Variants in HRH4 observed in about 807,000 individuals in gnomAD.
HRH4 encodes the protein histamine H4 receptor.
Under a neutral mutation model 10.4 loss-of-function variants are expected in HRH4, and 12 were observed. That is an observed-to-expected ratio of 1.15 (90% CI 0.74 to 1.87). HRH4 has a LOEUF of 1.87. Ranked by LOEUF, HRH4 falls within the 40% of genes most tolerant of loss-of-function variation. HRH4 has a pLI of 0.00. For synonymous variants in HRH4, 154 were observed against 166.6 expected, an observed-to-expected ratio of 0.92 and a Z score of 0.58; for missense variants, 415 against 453.3, an observed-to-expected ratio of 0.92 and a Z score of 0.77.
rs1321327368 is a variant in HRH4, at chr18:24,476,783, A to T, written c.394A>T (p.Ile132Phe). 1.9e-6 allele frequency: 3 copies of T among 1,614,006 alleles called. No individual in the cohort carries two copies. The highest frequency in any genetic ancestry group is 2.5e-6 in the Non-Finnish European group (3 of 1,180,018). Residue 132 changes from isoleucine to phenylalanine, a missense_variant, in exon 3 of 3, where the codon ATT (isoleucine) becomes TTT (phenylalanine). Ile to Phe is a conservative substitution (Grantham distance 21). Coordinates refer to ENST00000256906, the MANE Select transcript of HRH4 (RefSeq NM_021624.4). ...AACTCAACATACTGGGGTCTTGAAG[A>T]TTGTTACTCTGATGGTGGCCGTTTG... The part of the protein sequence containing the change: ...YRTQHTGVLK[I>F]VTLMVAVWVL...
In HRH4 at chr18:24,477,734, C is replaced by A; in HGVS notation, c.*172C>A. 1.9e-6 allele frequency: 1 copy of A among 523,422 alleles called. No homozygotes were observed. Among genetic ancestry groups the A allele is most frequent in the Non-Finnish European group, 3.3e-6 (1 of 298,674 alleles). The allele number at this position is 523,422 out of a possible 1,614,324, so 32.4% of individuals were successfully genotyped here. ...TATGACTTGATAATATTTTTGTAAA[C>A]TTGTAGTCATAATAGTACTATATTC... On this transcript the variant is annotated 3_prime_UTR_variant, in exon 3 of 3. Coordinates refer to ENST00000256906, the MANE Select transcript of HRH4 (RefSeq NM_021624.4).
intron 1 of HRH4, among the ~76,000 whole-genome samples, chr18:24,461,344 G>A (rs1411630642): frequency 6.6e-6 from 1 of 152,062 alleles, no homozygotes; most frequent in Non-Finnish European, 1.5e-5. Flanking sequence ...TCAGAAAATA[G>A]CGTATTCAGA....
intron 2 of HRH4, among the ~76,000 whole-genome samples, chr18:24,471,884 G>T (rs1439612891): frequency 6.6e-6 from 1 of 152,070 alleles, no homozygotes. Flanking sequence ...TGTTCCTAGG[G>T]CTTCCTTCTC....
chr18:24,471,521 T>A (rs1909952297), intron 2 of HRH4, among the ~76,000 whole-genome samples: 1 of 141,472 alleles, frequency 7.1e-6, no homozygotes, highest in Admixed American at 7.8e-5. Flanking sequence ...GAAGGAGAAT[T>A]GCTTGAACCC....
At chr18:24,465,362 G>A (rs944425788) in intron 1 of HRH4, among the ~76,000 whole-genome samples, 9 of 152,050 alleles carry the variant, frequency 5.9e-5, no homozygotes, top group African/African-American at 2.2e-4. Context: ...AGCATTTCAC[G>A]CCAAGGAACA....
At chr18:24,464,862 A>G (rs1364989628) in intron 1 of HRH4, among the ~76,000 whole-genome samples, 4 of 152,194 alleles carry the variant, frequency 2.6e-5, no homozygotes, top group African/African-American at 7.2e-5. Context: ...CAAGAAAAAT[A>G]ACTAAGACAA....
chr18:24,470,337 G>A (rs892252065), intron 2 of HRH4, among the ~76,000 whole-genome samples: 4 of 152,140 alleles, frequency 2.6e-5, no homozygotes, highest in African/African-American at 9.7e-5. Context: ...GAGCCAGATA[G>A]CAAATAATTT....
At position 24,477,650 on chromosome 18, in the gene HRH4, C is replaced by T. The variant is rs867533377; in HGVS notation, c.*88C>T. 1.2e-6 allele frequency: 1 copy of T among 836,034 alleles called. No homozygotes were observed. Among genetic ancestry groups the T allele is most frequent in the South Asian group, 1.9e-5 (1 of 54,018 alleles). 51.8% of individuals were successfully genotyped at this position (836,034 alleles called of 1,614,324 possible). Reference sequence around the variant, plus strand: ...CTTTATCTTGCCCTTTTCATTCTACCAACAGATCTGCACTTTGAAGTCAAT... The same window carrying T: ...CTTTATCTTGCCCTTTTCATTCTACTAACAGATCTGCACTTTGAAGTCAAT... On this transcript the variant is annotated 3_prime_UTR_variant, in exon 3 of 3. Transcript: ENST00000256906.
At chr18:24,476,684 T>G (rs2144384670) in intron 2 of HRH4, 63 bp from the exon 3 acceptor site, 782 of 1,212,098 alleles carry the variant, frequency 6.5e-4, no homozygotes, top group Middle Eastern at 9.8e-4. Flanking sequence ...TAAGGATCTA[T>G]GAGATACTTT....
At position 24,478,743 on chromosome 18, in the gene HRH4, G is replaced by C. The variant is rs915364967; in HGVS notation, c.*1181G>C. On this transcript the variant is annotated 3_prime_UTR_variant, in exon 3 of 3. Coordinates refer to ENST00000256906, the MANE Select transcript of HRH4 (RefSeq NM_021624.4). ...GCTGGAGCGTAGTAATGCAATCATAGCTCACTGCAGCCTGGAACTCCTTGG... is the reference window on the plus strand; with the variant it reads ...GCTGGAGCGTAGTAATGCAATCATACCTCACTGCAGCCTGGAACTCCTTGG... 6.6e-6 allele frequency: 1 copy of C among 152,326 alleles called. No individual in the cohort carries two copies. The highest frequency in any genetic ancestry group is 1.5e-5 in the Non-Finnish European group (1 of 68,062). 9.4% of individuals were successfully genotyped at this position (152,326 alleles called of 1,614,324 possible). A position where few individuals can be genotyped will look rare whatever the true frequency, so the allele number is the denominator to read the frequency against.
chr18:24,462,922 T>G (rs1449645096), intron 1 of HRH4, among the ~76,000 whole-genome samples: 1 of 152,208 alleles, frequency 6.6e-6, no homozygotes, highest in Non-Finnish European at 1.5e-5. Context: ...AATATATGTA[T>G]CCTTTGCTTC....
intron 1 of HRH4, among the ~76,000 whole-genome samples, chr18:24,463,928 T>C (rs1332951733): frequency 2.6e-5 from 4 of 152,194 alleles, no homozygotes; most frequent in Non-Finnish European, 1.5e-5. Context: ...AGTGTTTCCA[T>C]TTGTGGGTAC....
rs548260960 is a variant in HRH4, at chr18:24,462,904, C to T, written c.193+1983C>T. Among the ~76,000 whole-genome samples, 8 of 152,278 alleles carry T rather than the reference C, an allele frequency of 5.3e-5. No individual in the cohort carries two copies. The East Asian group carries it at 1.2e-3, about 22-fold the overall frequency. On this transcript the variant is annotated intron_variant, in intron 1 of 2. Coordinates refer to ENST00000256906, the MANE Select transcript of HRH4 (RefSeq NM_021624.4). ...TATTTATGTGAACATAGAGAAAGTT[C>T]CACTATAAATATATGTATCCTTTGC...
intron 1 of HRH4, among the ~76,000 whole-genome samples, chr18:24,465,170 CCCAGTTA>C (rs1909741650): frequency 2.0e-5 from 3 of 152,028 alleles, no homozygotes; most frequent in African/African-American, 7.2e-5. Context: ...TGCCTGTAAT[CCCAGTTA>C]CTCAAGAGGC....
chr18:24,475,757 A>C (rs927242033), intron 2 of HRH4, among the ~76,000 whole-genome samples: 3 of 152,166 alleles, frequency 2.0e-5, no homozygotes, highest in African/African-American at 7.2e-5. Context: ...TGTGTAATCC[A>C]AGCACTCTGG....
In HRH4 at chr18:24,477,206, G is replaced by T. The variant is rs889005723; in HGVS notation, c.817G>T (p.Ala273Ser). The T allele has an allele frequency of 6.2e-7, 1 of 1,614,166 alleles. No individual in the cohort carries two copies. The highest frequency in any genetic ancestry group is 8.5e-7 in the Non-Finnish European group (1 of 1,180,018). The change falls in exon 3 of 3, where the codon GCT (alanine) becomes TCT (serine). Residue 273 changes from alanine (A) to serine (S), a missense_variant. Coordinates refer to ENST00000256906, the MANE Select transcript of HRH4 (RefSeq NM_021624.4). ...SRTKMNSNTI[A>S]SKMGSFSQSD... ...AACCAAGATGAATAGCAATACAATT[G>T]CTTCCAAAATGGGTTCCTTCTCCCA...
At chr18:24,467,469 A>G (rs1039614480) in intron 1 of HRH4, among the ~76,000 whole-genome samples, 1 of 152,230 alleles carries the variant, frequency 6.6e-6, no homozygotes, top group African/African-American at 2.4e-5. Context: ...AAGCTCCAAG[A>G]AAGAGGGCAT....
chr18:24,473,918 G>A (rs1044072404), intron 2 of HRH4, among the ~76,000 whole-genome samples: 3 of 152,142 alleles, frequency 2.0e-5, no homozygotes, highest in Non-Finnish European at 4.4e-5. Flanking sequence ...ATATTCTGTA[G>A]TGGGCAAGAG....
chr18:24,477,676 G>C lies in HRH4; in HGVS notation c.*114G>C. The C allele has an allele frequency of 1.5e-6, 1 of 649,524 alleles. No homozygotes were observed. Among genetic ancestry groups the C allele is most frequent in the Middle Eastern group, 4.2e-4 (1 of 2,382 alleles). The allele number at this position is 649,524 out of a possible 1,614,324, so 40.2% of individuals were successfully genotyped here. On this transcript the variant is annotated 3_prime_UTR_variant, in exon 3 of 3. Coordinates refer to ENST00000256906, the MANE Select transcript of HRH4 (RefSeq NM_021624.4). ...AACAGATCTGCACTTTGAAGTCAAT[G>C]GTAAATTACTCCAGTGAATAATAGC...
Sources: gnomAD v4.1 joint callset for allele counts (sites outside exome capture counted in the v4.1 genomes callset) on GRCh38, gnomAD v4.1.1 for gene constraint, MANE v1.5 for transcripts, NCBI Gene and HGNC (gene_info 2026-07-23, HGNC 2026-07-21) for gene names.